Variants in MGMT observed in about 807,000 individuals in gnomAD.
The protein encoded by MGMT is O-6-methylguanine-DNA methyltransferase.
MGMT carries 14 observed loss-of-function variants against 15.9 expected under a neutral mutation model. The observed-to-expected ratio is 0.88, with a 90% CI of 0.58 to 1.37. The LOEUF (loss-of-function observed/expected upper bound fraction) is 1.37, where lower values mean the gene tolerates loss of function less well. MGMT is among the 40% of genes most tolerant of loss of function. MGMT has a pLI of 0.00. For missense variants in MGMT, 282 were observed against 268.1 expected, an observed-to-expected ratio of 1.05 and a Z score of -0.36; for synonymous variants, 130 against 118.2, an observed-to-expected ratio of 1.10 and a Z score of -0.65.
chr10:129,484,747 G>T (rs1044429043), intron 1 of MGMT, among the ~76,000 whole-genome samples: 2 of 152,086 alleles, frequency 1.3e-5, no homozygotes, highest in African/African-American at 4.8e-5. Flanking sequence ...TTGTTCTGCT[G>T]CAGGTTCAGT....
chr10:129,568,125 G>A (rs1258619537), intron 2 of MGMT, among the ~76,000 whole-genome samples: 1 of 152,232 alleles, frequency 6.6e-6, no homozygotes, highest in Non-Finnish European at 1.5e-5. Flanking sequence ...AGACAGCCTG[G>A]CTGTTTTTAT....
At chr10:129,578,427 G>A (rs1846512728) in intron 2 of MGMT, among the ~76,000 whole-genome samples, 3 of 151,504 alleles carry the variant, frequency 2.0e-5, no homozygotes, top group South Asian at 2.1e-4. Context: ...GCAAACTATT[G>A]CAAGGACAAA....
At chr10:129,732,706 C>G (rs1021570316) in intron 3 of MGMT, among the ~76,000 whole-genome samples, 3 of 126,332 alleles carry the variant, frequency 2.4e-5, no homozygotes, top group Non-Finnish European at 3.3e-5. Flanking sequence ...ATCCCTCCCC[C>G]GTCCCCCCAC....
At chr10:129,527,279 G>A (rs1041803499) in intron 1 of MGMT, among the ~76,000 whole-genome samples, 1 of 151,850 alleles carries the variant, frequency 6.6e-6, no homozygotes, top group African/African-American at 2.4e-5. Context: ...ATGTGCACAT[G>A]CCCTGTTACA....
intron 2 of MGMT, among the ~76,000 whole-genome samples, chr10:129,558,395 T>C (rs1846239494): frequency 6.6e-6 from 1 of 152,210 alleles, no homozygotes; most frequent in South Asian, 2.1e-4. Context: ...CATGAATTTG[T>C]TGTTATCTTT....
chr10:129,560,992 TG>T (rs1564852409), intron 2 of MGMT, among the ~76,000 whole-genome samples: 20 of 148,030 alleles, frequency 1.4e-4, no homozygotes, highest in African/African-American at 4.7e-4. Flanking sequence ...TGTGTGTGTG[TG>T]TGTGTTCCTT....
At chr10:129,472,349 A>G (rs1845241212) in intron 1 of MGMT, among the ~76,000 whole-genome samples, 1 of 152,160 alleles carries the variant, frequency 6.6e-6, no homozygotes, top group South Asian at 2.1e-4. Context: ...CACACGAGAC[A>G]GTAAATACAT....
At position 129,566,148 on chromosome 10, in the gene MGMT, T is replaced by G. The variant is rs575239112; in HGVS notation, c.125+29771T>G. ...GGACTTGCTAGAGCAGGGTTCCCAG[T>G]GCCCCCAGGCTCTACTTTGCTCTGC... is the stretch of plus-strand genomic sequence containing the variant. On this transcript the variant is annotated intron_variant, in intron 2 of 4. Coordinates refer to ENST00000651593, the MANE Select transcript of MGMT (RefSeq NM_002412.5). This position sits in a 1 kb window ranked among gnomAD's most constrained non-coding sequence, Gnocchi z 4.1. Among the ~76,000 whole-genome samples the G allele has an allele frequency of 6.6e-6, 1 of 152,276 alleles. No homozygotes were observed. The highest frequency in any genetic ancestry group is 1.9e-4 in the East Asian group (1 of 5,164).
intron 2 of MGMT, among the ~76,000 whole-genome samples, chr10:129,606,741 C>T (rs906074716): frequency 2.0e-5 from 3 of 152,100 alleles, no homozygotes; most frequent in Admixed American, 6.6e-5. Context: ...CAGAATCTTT[C>T]GTCTACGGTG....
chr10:129,614,956 C>T (rs982915494), intron 2 of MGMT, among the ~76,000 whole-genome samples: 5 of 152,000 alleles, frequency 3.3e-5, no homozygotes, highest in African/African-American at 9.7e-5. Context: ...ATTCCTGGCT[C>T]ACATTGGTTT....
At chr10:129,562,508 A>G (rs1003172956) in intron 2 of MGMT, among the ~76,000 whole-genome samples, 1 of 152,246 alleles carries the variant, frequency 6.6e-6, no homozygotes, top group Non-Finnish European at 1.5e-5. Flanking sequence ...TTTGTGACAG[A>G]TGTAAAATTC....
chr10:129,471,469 G>A (rs182076376), intron 1 of MGMT, among the ~76,000 whole-genome samples: 1 of 152,122 alleles, frequency 6.6e-6, no homozygotes, highest in African/African-American at 2.4e-5. Context: ...GTGGGCAGCC[G>A]GGGATATCAT....
At chr10:129,526,866 G>A (rs1295585338) in intron 1 of MGMT, among the ~76,000 whole-genome samples, 1 of 152,224 alleles carries the variant, frequency 6.6e-6, no homozygotes, top group Non-Finnish European at 1.5e-5. Context: ...GCAGGAACTG[G>A]CCTCTGGCGC....
chr10:129,519,259 A>G (rs573510105), intron 1 of MGMT, among the ~76,000 whole-genome samples: 2 of 152,356 alleles, frequency 1.3e-5, no homozygotes, highest in African/African-American at 4.8e-5. Flanking sequence ...TGCATTTATT[A>G]GTATTTAATC....
intron 2 of MGMT, among the ~76,000 whole-genome samples, chr10:129,552,624 C>T (rs544526060): frequency 1.7e-4 from 26 of 152,342 alleles, no homozygotes; most frequent in African/African-American, 5.5e-4. Flanking sequence ...GCAGGCACAT[C>T]GTCTGGTTAG....
At position 129,723,069 on chromosome 10, in the gene MGMT, AT is replaced by A. The variant is rs1158767681; in HGVS notation, c.274+15035del. On this transcript the variant is annotated intron_variant, in intron 3 of 4. Coordinates refer to ENST00000651593, the MANE Select transcript of MGMT (RefSeq NM_002412.5). ...AATGGTGCTGAGCAACTGGATATCC[AT>A]TTTTTTTTCCATTCCATTTTCAGAT... 8.3e-5 allele frequency among the ~76,000 whole-genome samples: 12 copies of A among 144,676 alleles called. No individual in the cohort carries two copies. In the South Asian group the frequency reaches 1.8e-3, roughly 21 times the overall value. The allele number at this position is 144,676 out of a possible 152,430, so 94.9% of individuals were successfully genotyped here.
intron 2 of MGMT, among the ~76,000 whole-genome samples, chr10:129,559,916 G>GTGC (rs1846257593): frequency 6.6e-6 from 1 of 152,166 alleles, no homozygotes; most frequent in Non-Finnish European, 1.5e-5. Flanking sequence ...ACAAATGCAG[G>GTGC]TGCTGTTCCT....
intron 2 of MGMT, among the ~76,000 whole-genome samples, chr10:129,647,987 G>A (rs942556770): frequency 6.6e-6 from 1 of 152,036 alleles, no homozygotes; most frequent in African/African-American, 2.4e-5. Flanking sequence ...TATAGCCATA[G>A]GCTTTTCATT....
chr10:129,570,309 A>G (rs928080872), intron 2 of MGMT, among the ~76,000 whole-genome samples: 1 of 152,262 alleles, frequency 6.6e-6, no homozygotes, highest in Admixed American at 6.5e-5. Context: ...TAGCTCTGCA[A>G]GTCAGCAGCA....
Sources: allele counts gnomAD v4.1 joint callset (sites outside exome capture counted in the v4.1 genomes callset), GRCh38; gene constraint gnomAD v4.1.1; non-coding constraint Gnocchi (gnomAD v3.1); transcripts MANE v1.5; gene names NCBI Gene and HGNC (gene_info 2026-07-23, HGNC 2026-07-21).